Variants in PALS2 observed in about 807,000 individuals in gnomAD.
The protein encoded by PALS2 is protein associated with LIN7 2, MAGUK p55 family member.
Under a neutral mutation model 61.6 loss-of-function variants are expected in PALS2, and 27 were observed. That is an observed-to-expected ratio of 0.44 (90% CI 0.32 to 0.60). The LOEUF is 0.60. Among genes scored for constraint, PALS2 ranks in the 20% least tolerant of loss-of-function variants. The pLI, the probability that PALS2 is intolerant of heterozygous loss-of-function variation, is 0.05. For synonymous variants in PALS2, 236 were observed against 218.6 expected (o/e 1.08, Z -0.70); for missense variants, 554 against 639.4 (o/e 0.87, Z 1.44).
chr7:24,680,693 T>A (rs1216918859), intron 11 of PALS2, among the ~76,000 whole-genome samples, 173 bp downstream of exon 11: 1 of 152,240 alleles, frequency 6.6e-6, no homozygotes, highest in African/African-American at 2.4e-5. Context: ...CGTCCCGGGT[T>A]CAAGCGATTC....
chr7:24,586,861 C>T lies in PALS2; in HGVS notation c.-3+13268C>T, dbSNP rs974955508. Among the ~76,000 whole-genome samples, 5 of 152,176 alleles carry T rather than the reference C, an allele frequency of 3.3e-5. No homozygotes were observed. The South Asian group carries it at 1.0e-3, about 32-fold the overall frequency. ...GGAGAGTAAAAGATAAATATAAGGA[C>T]ATTGCAAATTCACCATGACAAACCA... is the stretch of plus-strand genomic sequence containing the variant. On this transcript the variant is annotated intron_variant, in intron 1 of 11. Coordinates refer to ENST00000222644, the MANE Select transcript of PALS2 (RefSeq NM_001303037.2).
At chr7:24,606,457 T>C (rs985862282) in intron 1 of PALS2, among the ~76,000 whole-genome samples, 10 of 152,204 alleles carry the variant, frequency 6.6e-5, no homozygotes, top group African/African-American at 2.4e-4. Context: ...GAGCTCTGGC[T>C]TTTCATATTC....
intron 2 of PALS2, among the ~76,000 whole-genome samples, chr7:24,630,179 G>A (rs975460440): frequency 6.6e-6 from 1 of 152,144 alleles, no homozygotes; most frequent in African/African-American, 2.4e-5. Context: ...CCTTTGCAGG[G>A]ACATTGATAG....
chr7:24,660,337 G>C (rs936346174), intron 5 of PALS2, among the ~76,000 whole-genome samples: 2 of 152,010 alleles, frequency 1.3e-5, no homozygotes, highest in South Asian at 2.1e-4. Flanking sequence ...CCCCCCACCA[G>C]TAACAAACTT....
At position 24,690,411 on chromosome 7, in the gene PALS2, A is replaced by G. The variant is rs1788413828; in HGVS notation, c.*2797A>G. On this transcript the variant is annotated 3_prime_UTR_variant, in exon 12 of 12. Coordinates refer to ENST00000222644, the MANE Select transcript of PALS2 (RefSeq NM_001303037.2). ...TTAGAGTGGTGTTGAGCAATTGTTAAGAGTTGAAATAGACACACACATGCA... is the reference window on the plus strand; with the variant it reads ...TTAGAGTGGTGTTGAGCAATTGTTAGGAGTTGAAATAGACACACACATGCA... The G allele has an allele frequency of 6.6e-6, 1 of 152,218 alleles. No individual in the cohort carries two copies. The highest frequency in any genetic ancestry group is 6.5e-5 in the Admixed American group (1 of 15,284). The allele number at this position is 152,218 out of a possible 1,614,324, so 9.4% of individuals were successfully genotyped here.
intron 11 of PALS2, among the ~76,000 whole-genome samples, chr7:24,684,853 A>C (rs1788112493): frequency 2.6e-5 from 4 of 152,226 alleles, no homozygotes; most frequent in Admixed American, 2.6e-4. Flanking sequence ...GCACATATGT[A>C]ATTTGAGTTA....
At chr7:24,609,739 C>T (rs1441035163) in intron 1 of PALS2, among the ~76,000 whole-genome samples, 2 of 151,972 alleles carry the variant, frequency 1.3e-5, no homozygotes, top group Non-Finnish European at 2.9e-5. Flanking sequence ...CCATTCAGAG[C>T]CCTCCCCAAA....
chr7:24,575,450 G>T (rs1459641646), intron 1 of PALS2, among the ~76,000 whole-genome samples: 1 of 151,992 alleles, frequency 6.6e-6, no homozygotes, highest in Non-Finnish European at 1.5e-5. Flanking sequence ...GGCTGAAATT[G>T]TTCCAGAGCA....
intron 5 of PALS2, among the ~76,000 whole-genome samples, chr7:24,652,852 T>C (rs1786229622): frequency 1.3e-5 from 2 of 152,196 alleles, no homozygotes; most frequent in Non-Finnish European, 2.9e-5. Context: ...CAGTAGATGA[T>C]CTTTATCAGA....
intron 3 of PALS2, among the ~76,000 whole-genome samples, chr7:24,648,584 G>A (rs1481623780): frequency 1.3e-5 from 2 of 151,652 alleles, no homozygotes; most frequent in Non-Finnish European, 2.9e-5. Flanking sequence ...ATGAGCCACC[G>A]CGCCTGCCCT....
At chr7:24,598,552 C>G (rs1783602971) in intron 1 of PALS2, among the ~76,000 whole-genome samples, 1 of 152,106 alleles carries the variant, frequency 6.6e-6, no homozygotes, top group Admixed American at 6.6e-5. Flanking sequence ...TTTCTTATAA[C>G]CAGAAGTCTT....
At chr7:24,629,912 C>T (rs1174077113) in intron 2 of PALS2, among the ~76,000 whole-genome samples, 1 of 152,190 alleles carries the variant, frequency 6.6e-6, no homozygotes, top group African/African-American at 2.4e-5. Flanking sequence ...TTGTGGAAGA[C>T]AGTGTGGCAA....
Position 24,573,658 on chromosome 7 carries a change from G to A in PALS2, c.-3+65G>A. ...GCGCCGCGCGCCGGGCCGGCCGGGG[G>A]CGCCCTGTTGCTCGGCGCGGCGCGC... On this transcript the variant is annotated intron_variant, in intron 1 of 11. Transcript: ENST00000222644. This position sits in a 1 kb window ranked among gnomAD's most constrained non-coding sequence, Gnocchi z 5.3. 8.1e-6 allele frequency: 2 copies of A among 247,658 alleles called. No homozygotes were observed. The highest frequency in any genetic ancestry group is 5.6e-5 in the Admixed American group (1 of 17,744). 15.3% of individuals were successfully genotyped at this position (247,658 alleles called of 1,614,324 possible).
chr7:24,608,972 G>C (rs982379691), intron 1 of PALS2, among the ~76,000 whole-genome samples: 3 of 151,988 alleles, frequency 2.0e-5, no homozygotes, highest in Non-Finnish European at 2.9e-5. Context: ...TTTTTTGGTT[G>C]CTCCTTTGCT....
intron 1 of PALS2, among the ~76,000 whole-genome samples, chr7:24,594,300 A>G (rs188038956): frequency 3.3e-5 from 5 of 152,190 alleles, no homozygotes; most frequent in South Asian, 2.1e-4. Flanking sequence ...AGACCACTCA[A>G]ACTTTCCCCA....
At chr7:24,651,690 T>G (rs1307704859) in intron 5 of PALS2, among the ~76,000 whole-genome samples, 1 of 152,192 alleles carries the variant, frequency 6.6e-6, no homozygotes, top group Admixed American at 6.5e-5. Flanking sequence ...CTAAGTAATG[T>G]AGAAGTAGAT....
intron 9 of PALS2, 93 bp from the exon 10 acceptor site, chr7:24,679,038 A>G: frequency 1.9e-6 from 2 of 1,069,288 alleles, no homozygotes; most frequent in South Asian, 1.4e-5. Flanking sequence ...TGCTGCACCC[A>G]GTGGAAAAAC....
Position 24,623,692 on chromosome 7 carries a change from A to G in PALS2, c.25A>G (p.Thr9Ala), listed in dbSNP as rs757083943. The change falls in exon 2 of 12, where the codon ACG becomes GCG. Residue 9 changes from threonine to alanine, a missense_variant. Coordinates refer to ENST00000222644, the MANE Select transcript of PALS2 (RefSeq NM_001303037.2). Reference sequence around the variant, plus strand: ...AATGCAGCAAGTCTTGGAAAACCTTACGGAGCTGCCCTCGTCTACTGGAGC... The same window carrying G: ...AATGCAGCAAGTCTTGGAAAACCTTGCGGAGCTGCCCTCGTCTACTGGAGC... MQQVLENL[T>A]ELPSSTGAEE... 1 of 1,599,502 alleles carries G rather than the reference A, an allele frequency of 6.3e-7. No individual in the cohort carries two copies. The highest frequency in any genetic ancestry group is 8.5e-7 in the Non-Finnish European group (1 of 1,174,548).
chr7:24,694,154 A>T lies in PALS2; in HGVS notation c.*6540A>T, dbSNP rs1188936630. On this transcript the variant is annotated 3_prime_UTR_variant, in exon 12 of 12. Coordinates refer to ENST00000222644, the MANE Select transcript of PALS2 (RefSeq NM_001303037.2). ...TTATTAGTTTCTGTATAAAAGAAAC[A>T]TTATTGCTGTTGTATAAATAAAATT... The T allele has an allele frequency of 6.6e-6, 1 of 152,214 alleles. No individual in the cohort carries two copies. The highest frequency in any genetic ancestry group is 1.5e-5 in the Non-Finnish European group (1 of 68,028). 9.4% of individuals were successfully genotyped at this position (152,214 alleles called of 1,614,324 possible). A position where few individuals can be genotyped will look rare whatever the true frequency, so the allele number is the denominator to read the frequency against.
Sources: gnomAD v4.1 joint callset for allele counts (sites outside exome capture counted in the v4.1 genomes callset) on GRCh38, gnomAD v4.1.1 for gene constraint, Gnocchi (gnomAD v3.1) non-coding constraint, MANE v1.5 for transcripts, NCBI Gene and HGNC (gene_info 2026-07-23, HGNC 2026-07-21) for gene names.